Variants in WT1 observed in about 807,000 individuals in gnomAD.
WT1 encodes WT1 transcription factor, also known as Wilms tumor protein.
WT1 carries 8 observed loss-of-function variants against 60.8 expected under a neutral mutation model. The ratio of observed to expected loss-of-function variants is 0.13; its 90% CI spans 0.08 to 0.24. The LOEUF (loss-of-function observed/expected upper bound fraction) is 0.24. Among genes scored for constraint, WT1 ranks in the 10% least tolerant of loss-of-function variants. WT1 has a pLI of 1.00. For missense variants in WT1, 568 were observed against 711.8 expected (o/e 0.80, Z 2.30); for synonymous variants, 312 against 297.1 (o/e 1.05, Z -0.52).
rs760447794 is a variant in WT1, at chr11:32,428,667, G to A, written c.662-48C>T. On this transcript the variant is annotated intron_variant, in intron 1 of 9. Coordinates refer to ENST00000452863, the MANE Select transcript of WT1 (RefSeq NM_024426.6). ...CACAGTGTCAGCGGTGCTCTCGCAA[G>A]ACGGGGCAGTGGGTCTGAACCAGCC... 4.4e-6 allele frequency: 7 copies of A among 1,596,182 alleles called. No individual in the cohort carries two copies. The African/African-American group carries it at 6.7e-5, about 15-fold the overall frequency.
At chr11:32,397,842 G>A (rs1213103803) in intron 6 of WT1, among the ~76,000 whole-genome samples, 1 of 152,168 alleles carries the variant, frequency 6.6e-6, no homozygotes, top group Admixed American at 6.5e-5. Context: ...GATAATGAAG[G>A]CATAAAATTA....
chr11:32,435,025 G>A lies in WT1; in HGVS notation c.336C>T (p.Asp112=), dbSNP rs2133104640. ...AAGCCGAAGCGCCCGGGGGCGCAAAGTCCAGCACCGGCGCCCACTGCGCCG... is the reference window on the plus strand; with the variant it reads ...AAGCCGAAGCGCCCGGGGGCGCAAAATCCAGCACCGGCGCCCACTGCGCCG... The change falls in exon 1 of 10, where the codon GAC becomes GAT. Residue 112 remains aspartate (D), a synonymous_variant. Coordinates refer to ENST00000452863, the MANE Select transcript of WT1 (RefSeq NM_024426.6). 6.8e-7 allele frequency: 1 copy of A among 1,468,130 alleles called. No individual in the cohort carries two copies. The highest frequency in any genetic ancestry group is 8.9e-7 in the Non-Finnish European group (1 of 1,121,526). The allele number at this position is 1,468,130 out of a possible 1,614,324, so 90.9% of individuals were successfully genotyped here.
intron 5 of WT1, among the ~76,000 whole-genome samples, chr11:32,409,174 T>C (rs964234452): frequency 6.6e-6 from 1 of 152,212 alleles, no homozygotes; most frequent in Non-Finnish European, 1.5e-5. Flanking sequence ...ATAAATATTA[T>C]TTTATTATTT....
intron 3 of WT1, among the ~76,000 whole-genome samples, chr11:32,427,212 G>A (rs1044954046): frequency 6.6e-6 from 1 of 152,250 alleles, no homozygotes; most frequent in Non-Finnish European, 1.5e-5. Context: ...CAACCCTATC[G>A]CAGACGCGGG....
In WT1 at chr11:32,425,503, C is replaced by T. The variant is rs576602054; in HGVS notation, c.887+2453G>A. On this transcript the variant is annotated intron_variant, in intron 3 of 9. Coordinates refer to ENST00000452863, the MANE Select transcript of WT1 (RefSeq NM_024426.6). ...TGTTTAGGAGTAGGAAAGAGGGAAA[C>T]CATATAACTGTAGTAATGTTGGTGC... 5.3e-5 allele frequency among the ~76,000 whole-genome samples: 8 copies of T among 152,278 alleles called. No homozygotes were observed. The East Asian group carries it at 1.5e-3, about 29-fold the overall frequency.
In WT1 at chr11:32,388,948, G is replaced by A. The variant is rs757474299; in HGVS notation, c.*110C>T. On this transcript the variant is annotated 3_prime_UTR_variant, in exon 10 of 10. Transcript: ENST00000452863. ...TATCTTGTCTTGGAAGTTGGATGAAGAAGATCAACTGAAGTTTCCTTTTTA... is the reference window on the plus strand; with the variant it reads ...TATCTTGTCTTGGAAGTTGGATGAAAAAGATCAACTGAAGTTTCCTTTTTA... 45 of 1,578,910 alleles carry A rather than the reference G, an allele frequency of 2.9e-5. No homozygotes were observed. Among genetic ancestry groups the A allele is most frequent in the Admixed American group, 3.4e-5 (2 of 58,674 alleles).
At chr11:32,416,372 T>A (rs1219242311) in intron 5 of WT1, 118 bp downstream of exon 5, 8 of 1,271,342 alleles carry the variant, frequency 6.3e-6, no homozygotes, top group Non-Finnish European at 9.1e-6. Context: ...GAGAGATTCT[T>A]CCCATCCACC....
intron 9 of WT1, among the ~76,000 whole-genome samples, chr11:32,390,830 G>A (rs965703397): frequency 6.6e-6 from 1 of 152,228 alleles, no homozygotes; most frequent in Non-Finnish European, 1.5e-5. Context: ...AAAGAAGCAA[G>A]TGGGACAAGG....
At chr11:32,430,739 C>T in intron 1 of WT1, 2 of 1,344,348 alleles carry the variant, frequency 1.5e-6, no homozygotes, top group African/African-American at 1.5e-5. Context: ...AGACCGGACA[C>T]GCAGACCTCG....
intron 7 of WT1, among the ~76,000 whole-genome samples, chr11:32,394,536 C>T (rs1590335613): frequency 6.6e-6 from 1 of 152,286 alleles, no homozygotes; most frequent in Middle Eastern, 3.4e-3. Context: ...GGATTATAAC[C>T]TGCAGTTAAA....
rs1231000629 is a variant in WT1 at position 32,434,788 on chromosome 11, G to A, written c.573C>T (p.Ser191=). Residue 191 remains serine (S), a synonymous_variant, in exon 1 of 10, where the codon AGC becomes AGT. Transcript: ENST00000452863. ...TCCTGGCCTGGCCGGATGACGCCTGGCTGGGCGGAGGAGGACCGAAGGGCC... is the reference window on the plus strand; with the variant it reads ...TCCTGGCCTGGCCGGATGACGCCTGACTGGGCGGAGGAGGACCGAAGGGCC... 2 of 1,612,606 alleles carry A rather than the reference G, an allele frequency of 1.2e-6. No homozygotes were observed. Among genetic ancestry groups the A allele is most frequent in the Non-Finnish European group, 1.7e-6 (2 of 1,179,786 alleles).
intron 7 of WT1, 94 bp downstream of exon 7, chr11:32,396,163 T>C: frequency 6.4e-7 from 1 of 1,567,034 alleles, no homozygotes; most frequent in Non-Finnish European, 8.8e-7. Context: ...TTACTTTCCA[T>C]CCTGGAAATA....
Position 32,407,053 on chromosome 11 carries a change from C to G in WT1, c.1017-7009G>C, listed in dbSNP as rs925062764. 3.3e-5 allele frequency among the ~76,000 whole-genome samples: 5 copies of G among 151,960 alleles called. No individual in the cohort carries two copies. The East Asian group carries it at 9.6e-4, about 29-fold the overall frequency. ...GGCAGAGTTTGCAGTGAGCCAAGAT[C>G]GTACCACTGCACTCCAGCCTCAGCG... On this transcript the variant is annotated intron_variant, in intron 5 of 9. Transcript: ENST00000452863.
At chr11:32,412,637 A>G (rs1207932633) in intron 5 of WT1, among the ~76,000 whole-genome samples, 1 of 151,476 alleles carries the variant, frequency 6.6e-6, no homozygotes, top group Non-Finnish European at 1.5e-5. Context: ...AACACAAGGC[A>G]CCATCAATAG....
chr11:32,435,099 C>T lies in WT1; in HGVS notation c.262G>A (p.Val88Ile), dbSNP rs1410971862. 2.7e-6 allele frequency: 4 copies of T among 1,505,422 alleles called. No homozygotes were observed. Among genetic ancestry groups the T allele is most frequent in the African/African-American group, 2.9e-5 (2 of 69,164 alleles). 93.3% of individuals were successfully genotyped at this position (1,505,422 alleles called of 1,614,324 possible). Residue 88 changes from valine to isoleucine, a missense_variant, in exon 1 of 10, where the codon GTC becomes ATC. Coordinates refer to ENST00000452863, the MANE Select transcript of WT1 (RefSeq NM_024426.6). ...CCGCCGCCGCCACCCAGGGAGGGGA[C>T]GGCGGGCAGCAGCGCGTTCAGGTCC...
chr11:32,423,571 C>A (rs1852923640), intron 3 of WT1, among the ~76,000 whole-genome samples: 1 of 152,206 alleles, frequency 6.6e-6, no homozygotes. Context: ...GCCACCTTCA[C>A]AAAGAGAATG....
At chr11:32,434,091 C>T (rs1460060445) in intron 1 of WT1, among the ~76,000 whole-genome samples, 1 of 152,256 alleles carries the variant, frequency 6.6e-6, no homozygotes, top group Non-Finnish European at 1.5e-5. Flanking sequence ...TATCCACGGA[C>T]ACGACGCTGT....
rs1300306195 is a variant in WT1, at chr11:32,417,804, A to G, written c.888-150T>C. On this transcript the variant is annotated intron_variant, in intron 3 of 9. Coordinates refer to ENST00000452863, the MANE Select transcript of WT1 (RefSeq NM_024426.6). ...GAATATGCAAATCTGAATTATTTTC[A>G]TTTCATCCCACTGATCTCTGCACAG... 6 of 717,634 alleles carry G rather than the reference A, an allele frequency of 8.4e-6. No individual in the cohort carries two copies. In the African/African-American group the frequency reaches 8.7e-5, roughly 10 times the overall value. 44.5% of individuals were successfully genotyped at this position (717,634 alleles called of 1,614,324 possible). A position where few individuals can be genotyped will look rare whatever the true frequency, so the allele number is the denominator to read the frequency against.
chr11:32,409,636 T>C (rs1040116544), intron 5 of WT1, among the ~76,000 whole-genome samples: 11 of 152,208 alleles, frequency 7.2e-5, no homozygotes, highest in Non-Finnish European at 1.3e-4. Flanking sequence ...TTTTAATTTT[T>C]TTGTTTTCTA....
Sources: allele counts gnomAD v4.1 joint callset (sites outside exome capture counted in the v4.1 genomes callset), GRCh38; gene constraint gnomAD v4.1.1; transcripts MANE v1.5; gene names NCBI Gene and HGNC (gene_info 2026-07-23, HGNC 2026-07-21).